The following GOLM2 variants were observed in gnomAD, a reference collection of about 807,000 sequenced individuals.
GOLM2 encodes the protein protein GOLM2.
GOLM2 carries 26 observed loss-of-function variants against 55.9 expected under a neutral mutation model. The observed-to-expected ratio is 0.47, with a 90% CI of 0.34 to 0.65. The LOEUF (loss-of-function observed/expected upper bound fraction) is 0.65. GOLM2 is among the 30% of genes least tolerant of loss of function. The pLI is 0.01. For missense variants in GOLM2, 486 were observed against 531.8 expected, an observed-to-expected ratio of 0.91 and a Z score of 0.85; for synonymous variants, 165 against 194.6, an observed-to-expected ratio of 0.85 and a Z score of 1.27.
At chr15:44,294,111 A>G (rs2078739643) in intron 1 of GOLM2, among the ~76,000 whole-genome samples, 1 of 152,168 alleles carries the variant, frequency 6.6e-6, no homozygotes, top group South Asian at 2.1e-4. Context: ...AGTGCCAGAA[A>G]GTACAGAGAA....
intron 6 of GOLM2, among the ~76,000 whole-genome samples, chr15:44,373,900 A>T (rs1298232456): frequency 6.6e-6 from 1 of 152,196 alleles, no homozygotes. Context: ...CAGGAATTCG[A>T]GACCAGCCTG....
chr15:44,355,019 G>A, intron 6 of GOLM2: 1 of 154,196 alleles, frequency 6.5e-6, no homozygotes, highest in Non-Finnish European at 1.4e-5. Flanking sequence ...ATATGGCTGG[G>A]GCACACTTAG....
At chr15:44,388,891 C>T (rs74880722) in intron 8 of GOLM2, among the ~76,000 whole-genome samples, 6 of 152,022 alleles carry the variant, frequency 3.9e-5, no homozygotes. Flanking sequence ...TCTTGGCTCA[C>T]TGCAAGCTCC....
chr15:44,374,240 T>C (rs2079349443), intron 6 of GOLM2, among the ~76,000 whole-genome samples: 1 of 152,242 alleles, frequency 6.6e-6, no homozygotes, highest in South Asian at 2.1e-4. Flanking sequence ...GCCTGTATTT[T>C]CTCTTTGTGA....
intron 2 of GOLM2, among the ~76,000 whole-genome samples, chr15:44,325,438 T>A (rs1567025759): frequency 6.6e-6 from 1 of 152,166 alleles, no homozygotes; most frequent in Non-Finnish European, 1.5e-5. Context: ...GGAAGCTTTG[T>A]GGGGGGACAG....
In GOLM2 at chr15:44,403,016, A is replaced by G. The variant is rs752822284; in HGVS notation, c.1202A>G (p.Glu401Gly). The G allele has an allele frequency of 5.0e-6, 8 of 1,614,078 alleles. No homozygotes were observed. The highest frequency in any genetic ancestry group is 1.1e-5 in the South Asian group (1 of 91,078). The change falls in exon 9 of 10, where the codon GAG (glutamate) becomes GGG (glycine). Residue 401 changes from glutamate (E) to glycine (G), a missense_variant. Glu to Gly is a moderately conservative substitution (Grantham distance 98). Transcript: ENST00000299957. The part of the protein sequence containing the change: ...ADKQAELAYN[E>G]EEDGDGGEED... ...AAGCAGGCTGAGCTGGCTTACAATG[A>G]GGAAGAAGATGGTGATGGTGGAGAG... is the stretch of plus-strand genomic sequence containing the variant.
chr15:44,371,542 T>C (rs939871190), intron 6 of GOLM2, among the ~76,000 whole-genome samples: 1 of 152,228 alleles, frequency 6.6e-6, no homozygotes, highest in Non-Finnish European at 1.5e-5. Context: ...TTGAGCAAAT[T>C]TCAAGTGTGT....
chr15:44,410,196 T>A (rs1169235687), intron 9 of GOLM2, among the ~76,000 whole-genome samples: 2 of 152,110 alleles, frequency 1.3e-5, no homozygotes, highest in African/African-American at 4.8e-5. Flanking sequence ...CCCAGCACTT[T>A]GGGAGGCCGA....
chr15:44,323,137 T>C, intron 2 of GOLM2, 118 bp downstream of exon 2: 1 of 609,096 alleles, frequency 1.6e-6, no homozygotes, highest in Non-Finnish European at 2.9e-6. Context: ...CAAACTCCTC[T>C]GATGGTAAAA....
chr15:44,382,910 G>A (rs1429610171), intron 8 of GOLM2, among the ~76,000 whole-genome samples: 1 of 139,438 alleles, frequency 7.2e-6, no homozygotes, highest in Non-Finnish European at 1.5e-5. Flanking sequence ...GCAACAGAGC[G>A]AGACTCTGTC....
intron 1 of GOLM2, among the ~76,000 whole-genome samples, chr15:44,294,780 C>T (rs1251108425): frequency 1.3e-5 from 2 of 150,904 alleles, no homozygotes; most frequent in Non-Finnish European, 2.9e-5. Context: ...TGGGGGGCGC[C>T]TGTAATCCCA....
At chr15:44,401,897 T>G (rs1487954015) in intron 8 of GOLM2, among the ~76,000 whole-genome samples, 1 of 150,970 alleles carries the variant, frequency 6.6e-6, no homozygotes, top group East Asian at 2.0e-4. Context: ...TGGTGTGATC[T>G]CGGATCACTA....
chr15:44,316,186 G>A (rs562006725), intron 1 of GOLM2, among the ~76,000 whole-genome samples: 1 of 152,306 alleles, frequency 6.6e-6, no homozygotes, highest in South Asian at 2.1e-4. Flanking sequence ...GGACGTTTTG[G>A]CAGTCATTTA....
At chr15:44,390,218 A>G (rs906268653) in intron 8 of GOLM2, 8 of 152,360 alleles carry the variant, frequency 5.3e-5, no homozygotes, top group Non-Finnish European at 1.2e-4. Flanking sequence ...CACAAAATAT[A>G]GTTTAGGGAT....
At chr15:44,333,269 G>A (rs1262671986) in intron 4 of GOLM2, among the ~76,000 whole-genome samples, 5 of 151,916 alleles carry the variant, frequency 3.3e-5, no homozygotes, top group African/African-American at 1.2e-4. Flanking sequence ...TACCTAACCA[G>A]GCATGATTTT....
intron 8 of GOLM2, among the ~76,000 whole-genome samples, chr15:44,388,821 A>ATTT (rs78805742): frequency 2.8e-5 from 4 of 142,928 alleles, no homozygotes; most frequent in African/African-American, 1.0e-4. Context: ...ATGAAAATTC[A>ATTT]TTTTTTTTTT....
intron 3 of GOLM2, among the ~76,000 whole-genome samples, chr15:44,329,418 A>G (rs945407074): frequency 6.6e-6 from 1 of 152,218 alleles, no homozygotes; most frequent in Non-Finnish European, 1.5e-5. Context: ...GTAGGTTATC[A>G]TTGTACATTT....
At chr15:44,325,596 A>G (rs1392063962) in intron 2 of GOLM2, among the ~76,000 whole-genome samples, 1 of 152,238 alleles carries the variant, frequency 6.6e-6, no homozygotes, top group Admixed American at 6.5e-5. Flanking sequence ...AAAGATCACC[A>G]ATTGAAGTCT....
intron 1 of GOLM2, among the ~76,000 whole-genome samples, chr15:44,294,822 A>T (rs1274413963): frequency 6.6e-6 from 1 of 151,436 alleles, no homozygotes; most frequent in Non-Finnish European, 1.5e-5. Context: ...TTGAACTGGG[A>T]AGCAGAGGTT....
Sources: gnomAD v4.1 joint callset for allele counts (sites outside exome capture counted in the v4.1 genomes callset) on GRCh38, gnomAD v4.1.1 for gene constraint, MANE v1.5 for transcripts, NCBI Gene and HGNC (gene_info 2026-07-23, HGNC 2026-07-21) for gene names.